MKLN1: variants seen among roughly 807,000 people sequenced by gnomAD.
MKLN1 encodes the protein muskelin.
A neutral mutation model predicts 99.0 loss-of-function variants in MKLN1; 18 were observed. That is an observed-to-expected ratio of 0.18 (90% confidence interval 0.13 to 0.27). The LOEUF is 0.27. Among genes scored for constraint, MKLN1 ranks in the 10% least tolerant of loss-of-function variants. The probability of loss-of-function intolerance (pLI) is 1.00; values close to 1 mark genes in which losing one functional copy is unlikely to be tolerated. For missense variants in MKLN1, 621 were observed against 875.9 expected (o/e 0.71, Z 3.67); for synonymous variants, 288 against 293.2 (o/e 0.98, Z 0.18).
chr7:131,371,999 C>T (rs1278644181), intron 1 of MKLN1, among the ~76,000 whole-genome samples: 2 of 151,814 alleles, frequency 1.3e-5, no homozygotes, highest in East Asian at 3.9e-4. Flanking sequence ...TTATTTCTAT[C>T]TTTGTTTAAT....
chr7:131,451,419 GAA>G (rs1205643501), intron 12 of MKLN1, among the ~76,000 whole-genome samples: 1 of 151,644 alleles, frequency 6.6e-6, no homozygotes, highest in Non-Finnish European at 1.5e-5. Context: ...AAATTTGTTT[GAA>G]CTATTGAGAT....
At chr7:131,209,683 T>A (rs1796871796) in intron 3 of MKLN1, among the ~76,000 whole-genome samples, 2 of 152,154 alleles carry the variant, frequency 1.3e-5, no homozygotes, top group African/African-American at 4.8e-5. Flanking sequence ...TGACAGTTTG[T>A]CCAGCTTCAA....
At chr7:131,353,350 A>G (rs982755119) in intron 1 of MKLN1, among the ~76,000 whole-genome samples, 1 of 152,114 alleles carries the variant, frequency 6.6e-6, no homozygotes, top group African/African-American at 2.4e-5. Context: ...TCTAATGGCT[A>G]GTAATGTTGC....
In MKLN1 at chr7:131,495,663, A is replaced by C. The variant is rs975214120; in HGVS notation, c.*7935A>C. 4.6e-5 allele frequency: 7 copies of C among 152,294 alleles called. No individual in the cohort carries two copies. Among genetic ancestry groups the C allele is most frequent in the Middle Eastern group, 3.4e-3 (1 of 294 alleles). The allele number at this position is 152,294 out of a possible 1,614,324, so 9.4% of individuals were successfully genotyped here. On this transcript the variant is annotated 3_prime_UTR_variant, in exon 18 of 18. Transcript: ENST00000352689. ...ATGGAGAAAGGACCAGGCTGGAAGC[A>C]TATGTCCCCCCACCCTTATTTATAT...
chr7:131,207,882 G>A (rs940227446), intron 3 of MKLN1, among the ~76,000 whole-genome samples: 1 of 152,164 alleles, frequency 6.6e-6, no homozygotes, highest in Non-Finnish European at 1.5e-5. Flanking sequence ...TTAGCCTTTG[G>A]AAAGAACATA....
intron 16 of MKLN1, among the ~76,000 whole-genome samples, chr7:131,475,260 C>T (rs1017847158): frequency 6.6e-6 from 1 of 152,028 alleles, no homozygotes; most frequent in Non-Finnish European, 1.5e-5. Flanking sequence ...ATGAAATTGA[C>T]AAATACTTTA....
intron 3 of MKLN1, among the ~76,000 whole-genome samples, chr7:131,218,054 G>A (rs1321610290): frequency 3.3e-5 from 5 of 152,198 alleles, no homozygotes; most frequent in African/African-American, 9.7e-5. Flanking sequence ...AATGGGGAAT[G>A]CTGATTGGTT....
chr7:131,218,864 C>A (rs1797022557), intron 3 of MKLN1, among the ~76,000 whole-genome samples: 1 of 152,174 alleles, frequency 6.6e-6, no homozygotes, highest in African/African-American at 2.4e-5. Flanking sequence ...GGAGAACAAG[C>A]ATTTTCTTCC....
intron 3 of MKLN1, among the ~76,000 whole-genome samples, chr7:131,277,618 G>A (rs1444925710): frequency 6.6e-6 from 1 of 152,084 alleles, no homozygotes; most frequent in African/African-American, 2.4e-5. Flanking sequence ...GTTTCACCGT[G>A]TTGGCCAGGC....
intron 1 of MKLN1, among the ~76,000 whole-genome samples, chr7:131,359,064 A>G (rs2116793771): frequency 6.6e-6 from 1 of 151,978 alleles, no homozygotes; most frequent in African/African-American, 2.4e-5. Context: ...TGCTTTGTTT[A>G]TGCTTCAGTT....
intron 1 of MKLN1, among the ~76,000 whole-genome samples, chr7:131,115,170 C>T (rs1795255659): frequency 6.6e-6 from 1 of 152,014 alleles, no homozygotes; most frequent in African/African-American, 2.4e-5. Flanking sequence ...TGGTGTAATC[C>T]ATGGTCTGCA....
intron 1 of MKLN1, among the ~76,000 whole-genome samples, chr7:131,353,055 T>A (rs919843363): frequency 2.0e-5 from 3 of 152,184 alleles, no homozygotes; most frequent in African/African-American, 7.2e-5. Context: ...TTTGGGGTTA[T>A]TAGAAATGAA....
At chr7:131,446,579 G>A (rs1017683362) in intron 12 of MKLN1, among the ~76,000 whole-genome samples, 3 of 152,172 alleles carry the variant, frequency 2.0e-5, no homozygotes. Flanking sequence ...CTTTTTAGCT[G>A]TTGCTTATAG....
exon 2 of MKLN1, chr7:131,142,848 T>C: frequency 8.2e-7 from 1 of 1,216,930 alleles, no homozygotes; most frequent in South Asian, 1.3e-5. Flanking sequence ...TCAAACCATG[T>C]TTTGGGATCA....
chr7:131,467,818 T>A (rs971144433), intron 15 of MKLN1, among the ~76,000 whole-genome samples: 19 of 152,326 alleles, frequency 1.2e-4, no homozygotes, highest in Non-Finnish European at 2.2e-4. Flanking sequence ...TGGGTAAAAC[T>A]CGTGGCTGCT....
At chr7:131,453,100 T>C (rs954580802) in intron 12 of MKLN1, among the ~76,000 whole-genome samples, 3 of 152,158 alleles carry the variant, frequency 2.0e-5, no homozygotes, top group Non-Finnish European at 4.4e-5. Context: ...TTCCCTGATT[T>C]CCCCCTTCTA....
intron 1 of MKLN1, among the ~76,000 whole-genome samples, chr7:131,123,925 A>G (rs1795415643): frequency 2.0e-5 from 3 of 152,250 alleles, no homozygotes; most frequent in Admixed American, 2.0e-4. Context: ...AAGTTCTGTG[A>G]GAATTGTTCA....
chr7:131,346,507 C>T (rs183015386), intron 1 of MKLN1, among the ~76,000 whole-genome samples: 137 of 140,898 alleles, frequency 9.7e-4, no homozygotes, highest in African/African-American at 3.1e-3. Flanking sequence ...AGTGACAGAG[C>T]GAGACTCAGT....
At position 131,329,956 on chromosome 7, in the gene MKLN1, A is replaced by G. The variant is rs145681441; in HGVS notation, c.98+1959A>G. ...TTAATCCTTATGACATTCTATTGACAAATGCAGTATAATTTGTATTTAAAG... is the reference window on the plus strand; with the variant it reads ...TTAATCCTTATGACATTCTATTGACGAATGCAGTATAATTTGTATTTAAAG... On this transcript the variant is annotated intron_variant, in intron 1 of 17. Coordinates refer to ENST00000352689, the MANE Select transcript of MKLN1 (RefSeq NM_013255.5). Among the ~76,000 whole-genome samples, 6 of 152,362 alleles carry G rather than the reference A, an allele frequency of 3.9e-5. No individual in the cohort carries two copies. In the East Asian group the frequency reaches 1.2e-3, roughly 29 times the overall value.
Sources: allele counts gnomAD v4.1 joint callset (sites outside exome capture counted in the v4.1 genomes callset), GRCh38; gene constraint gnomAD v4.1.1; transcripts MANE v1.5; gene names NCBI Gene and HGNC (gene_info 2026-07-23, HGNC 2026-07-21).